ZBTB20: variants seen among roughly 807,000 people sequenced by gnomAD.
The protein encoded by ZBTB20 is zinc finger and BTB domain-containing protein 20.
Under a neutral mutation model 56.9 loss-of-function variants are expected in ZBTB20, and 9 were observed. The observed-to-expected ratio is 0.16, with a 90% CI of 0.10 to 0.28. The LOEUF is 0.28. ZBTB20 is among the 10% of genes least tolerant of loss of function. ZBTB20 has a pLI of 1.00. For missense variants in ZBTB20, 655 were observed against 1,003.0 expected (o/e 0.65, Z 4.69); for synonymous variants, 417 against 420.7 (o/e 0.99, Z 0.11).
chr3:115,031,884 A>AT (rs2080698268), intron 2 of ZBTB20, among the ~76,000 whole-genome samples: 1 of 151,430 alleles, frequency 6.6e-6, no homozygotes, highest in Non-Finnish European at 1.5e-5. Context: ...CTTAAATGTA[A>AT]TAAGTTTTAG....
chr3:115,061,141 T>C (rs745991577), intron 2 of ZBTB20, among the ~76,000 whole-genome samples: 4 of 152,162 alleles, frequency 2.6e-5, no homozygotes, highest in Non-Finnish European at 4.4e-5. Flanking sequence ...GAAAAAGATA[T>C]ATTTACTTTC....
chr3:114,818,721 A>T (rs541100824), intron 4 of ZBTB20, among the ~76,000 whole-genome samples: 1 of 152,090 alleles, frequency 6.6e-6, no homozygotes, highest in Non-Finnish European at 1.5e-5. Flanking sequence ...TCAACAACCA[A>T]TATCTGCCTT....
At chr3:114,711,964 C>T (rs1295729407) in intron 5 of ZBTB20, among the ~76,000 whole-genome samples, 1 of 152,142 alleles carries the variant, frequency 6.6e-6, no homozygotes, top group African/African-American at 2.4e-5. Flanking sequence ...CGTGAAGGAC[C>T]ATGTCTTATC....
At chr3:115,146,954 G>C (rs1405553975) in intron 1 of ZBTB20, among the ~76,000 whole-genome samples, 2 of 150,790 alleles carry the variant, frequency 1.3e-5, no homozygotes, top group African/African-American at 4.8e-5. Flanking sequence ...CGAGGCAGCC[G>C]CCGGGCGCTA....
intron 11 of ZBTB20, among the ~76,000 whole-genome samples, chr3:114,341,486 AT>A (rs2079763787): frequency 6.6e-6 from 1 of 152,158 alleles, no homozygotes; most frequent in South Asian, 2.1e-4. Flanking sequence ...TCCAGATGGT[AT>A]TTTGGCTGCT....
chr3:115,078,124 T>C (rs1425878808), intron 1 of ZBTB20, among the ~76,000 whole-genome samples: 1 of 152,208 alleles, frequency 6.6e-6, no homozygotes, highest in Non-Finnish European at 1.5e-5. Flanking sequence ...TCCATGCACA[T>C]AACCTCATTG....
At chr3:114,738,141 CTTT>C (rs901079171) in intron 5 of ZBTB20, among the ~76,000 whole-genome samples, 3 of 151,880 alleles carry the variant, frequency 2.0e-5, no homozygotes, top group African/African-American at 7.2e-5. Context: ...TAAATAACTT[CTTT>C]ATTTGCTATG....
At chr3:114,645,192 G>A (rs749448597) in intron 6 of ZBTB20, among the ~76,000 whole-genome samples, 2 of 152,152 alleles carry the variant, frequency 1.3e-5, no homozygotes, top group African/African-American at 4.8e-5. Flanking sequence ...CTATATTGGC[G>A]AGTTAATACA....
intron 7 of ZBTB20, among the ~76,000 whole-genome samples, chr3:114,419,527 T>A (rs1427942407): frequency 2.6e-5 from 4 of 152,140 alleles, no homozygotes; most frequent in Admixed American, 2.6e-4. Flanking sequence ...AGCACCCAGA[T>A]GCTGTACTCC....
chr3:114,541,727 T>A (rs1483967912), intron 6 of ZBTB20, among the ~76,000 whole-genome samples: 1 of 152,132 alleles, frequency 6.6e-6, no homozygotes, highest in Non-Finnish European at 1.5e-5. Flanking sequence ...AAAGAGTAAC[T>A]CAGAATATTT....
At chr3:114,348,791 T>C (rs1015246554) in intron 11 of ZBTB20, among the ~76,000 whole-genome samples, 3 of 152,242 alleles carry the variant, frequency 2.0e-5, no homozygotes, top group Admixed American at 2.0e-4. Flanking sequence ...GTCTTCTCTC[T>C]TGGATTCCTA....
chr3:114,524,668 C>T (rs1211944806), intron 6 of ZBTB20, among the ~76,000 whole-genome samples: 1 of 152,124 alleles, frequency 6.6e-6, no homozygotes, highest in Non-Finnish European at 1.5e-5. Context: ...TCACCTGTGT[C>T]TACCCTTTCT....
intron 1 of ZBTB20, among the ~76,000 whole-genome samples, chr3:115,138,641 A>T (rs1440103587): frequency 1.3e-5 from 2 of 152,066 alleles, no homozygotes; most frequent in Admixed American, 1.3e-4. Context: ...ACTTTGAACA[A>T]GATACTTACC....
chr3:114,378,743 C>T (rs990295631), intron 10 of ZBTB20, among the ~76,000 whole-genome samples: 1 of 152,214 alleles, frequency 6.6e-6, no homozygotes, highest in African/African-American at 2.4e-5. Context: ...ACAGTGTGCA[C>T]ATGCCTATGG....
chr3:115,141,198 T>C (rs2084803420), intron 1 of ZBTB20, among the ~76,000 whole-genome samples: 1 of 152,168 alleles, frequency 6.6e-6, no homozygotes, highest in Non-Finnish European at 1.5e-5. Flanking sequence ...TACTGTTTTG[T>C]GTATGACTTC....
chr3:115,000,564 T>C (rs946761619), intron 2 of ZBTB20, among the ~76,000 whole-genome samples: 1 of 151,574 alleles, frequency 6.6e-6, no homozygotes, highest in Non-Finnish European at 1.5e-5. Flanking sequence ...TTTCTCTCCA[T>C]AGGTTGGCTA....
intron 2 of ZBTB20, among the ~76,000 whole-genome samples, chr3:115,014,586 A>G (rs1028178063): frequency 2.0e-4 from 30 of 151,206 alleles, no homozygotes; most frequent in Non-Finnish European, 7.4e-5. Context: ...TAAAAATAAT[A>G]AATAAATATT....
At chr3:114,801,312 T>C (rs991720752) in intron 4 of ZBTB20, 138 bp from the exon 5 acceptor site, 25 of 148,566 alleles carry the variant, frequency 1.7e-4, no homozygotes, top group Middle Eastern at 3.4e-3. Flanking sequence ...TTTCTTTTTT[T>C]TTTTTTTTTC....
intron 3 of ZBTB20, among the ~76,000 whole-genome samples, chr3:114,940,945 A>G (rs768756086): frequency 6.8e-5 from 10 of 146,302 alleles, no homozygotes; most frequent in Non-Finnish European, 1.5e-4. Context: ...ATTGTTACTG[A>G]TGAAGGAATT....
Sources: allele counts gnomAD v4.1 joint callset (sites outside exome capture counted in the v4.1 genomes callset), GRCh38; gene constraint gnomAD v4.1.1; transcripts MANE v1.5; gene names NCBI Gene and HGNC (gene_info 2026-07-23, HGNC 2026-07-21).